PPA2: variants seen among roughly 807,000 people sequenced by gnomAD.
The protein encoded by PPA2 is inorganic pyrophosphatase 2.
PPA2 carries 48 observed loss-of-function variants against 49.5 expected under a neutral mutation model. The observed-to-expected ratio is 0.97, with a 90% CI of 0.77 to 1.23. PPA2 has a LOEUF of 1.23. Ranked by LOEUF, PPA2 falls within the 50% of genes most tolerant of loss-of-function variation. The pLI, the probability that PPA2 is intolerant of heterozygous loss-of-function variation, is 0.00. For synonymous variants in PPA2, 131 were observed against 139.9 expected, an observed-to-expected ratio of 0.94 and a Z score of 0.45; for missense variants, 429 against 410.1, an observed-to-expected ratio of 1.05 and a Z score of -0.40.
intron 2 of PPA2, among the ~76,000 whole-genome samples, chr4:105,455,346 A>T (rs1004779270): frequency 2.6e-5 from 4 of 152,224 alleles, no homozygotes; most frequent in Non-Finnish European, 5.9e-5. Context: ...GGACACACAC[A>T]GTAACATAGA....
chr4:105,461,023 C>T (rs948440001), intron 1 of PPA2, among the ~76,000 whole-genome samples: 1 of 151,990 alleles, frequency 6.6e-6, no homozygotes, highest in African/African-American at 2.4e-5. Flanking sequence ...AAAAATATAA[C>T]TACTTCTAGA....
chr4:105,384,338 A>C (rs1733603105), intron 10 of PPA2, among the ~76,000 whole-genome samples: 1 of 152,192 alleles, frequency 6.6e-6, no homozygotes, highest in African/African-American at 2.4e-5. Flanking sequence ...CAGGTAATTA[A>C]AGCTGTATGT....
intron 6 of PPA2, among the ~76,000 whole-genome samples, chr4:105,430,432 G>A (rs1424156722): frequency 6.6e-6 from 1 of 152,218 alleles, no homozygotes; most frequent in African/African-American, 2.4e-5. Flanking sequence ...ATTAGGCACT[G>A]TGTATTAAAG....
At chr4:105,442,152 G>A (rs1724401296) in intron 5 of PPA2, among the ~76,000 whole-genome samples, 1 of 152,124 alleles carries the variant, frequency 6.6e-6, no homozygotes, top group Non-Finnish European at 1.5e-5. Context: ...TTACAGGGAT[G>A]AGCCATCACC....
chr4:105,395,708 T>C (rs2110389908), intron 9 of PPA2, among the ~76,000 whole-genome samples: 1 of 152,246 alleles, frequency 6.6e-6, no homozygotes, highest in Admixed American at 6.5e-5. Context: ...ACAAGGAGCT[T>C]AAGGATTACA....
chr4:105,395,173 CA>C (rs1279875147), intron 9 of PPA2, among the ~76,000 whole-genome samples: 2 of 121,500 alleles, frequency 1.6e-5, no homozygotes, highest in Non-Finnish European at 3.8e-5. Flanking sequence ...GAAACAAAGT[CA>C]ATTATCTTCA....
chr4:105,372,863 C>T (rs1733081871), intron 10 of PPA2, among the ~76,000 whole-genome samples: 1 of 152,132 alleles, frequency 6.6e-6, no homozygotes, highest in African/African-American at 2.4e-5. Context: ...TAATAAATTC[C>T]CCCAAATCAT....
At chr4:105,375,708 G>A (rs910933572) in intron 10 of PPA2, among the ~76,000 whole-genome samples, 7 of 152,076 alleles carry the variant, frequency 4.6e-5, no homozygotes, top group African/African-American at 1.7e-4. Context: ...CCAGATGCCA[G>A]GGAATGCCTT....
chr4:105,445,935 A>T (rs1722361848), intron 5 of PPA2, among the ~76,000 whole-genome samples: 1 of 151,618 alleles, frequency 6.6e-6, no homozygotes. Flanking sequence ...AAGTTGTGCA[A>T]TTCAATTTAC....
At chr4:105,452,491 G>A (rs1722714201) in intron 3 of PPA2, among the ~76,000 whole-genome samples, 1 of 152,162 alleles carries the variant, frequency 6.6e-6, no homozygotes, top group South Asian at 2.1e-4. Flanking sequence ...AATAGGAGAT[G>A]GGGCACGGAA....
rs772444779 is a variant in PPA2, at chr4:105,474,059, T to C, written c.-9A>G. ...CGCAGCAGCGCGCTCATGGCGTCAATGACGGTCCTGCTGTGCGCGCGGAGC... is the reference window on the plus strand; with the variant it reads ...CGCAGCAGCGCGCTCATGGCGTCAACGACGGTCCTGCTGTGCGCGCGGAGC... On this transcript the variant is annotated 5_prime_UTR_variant, in exon 1 of 12. Coordinates refer to ENST00000341695, the MANE Select transcript of PPA2 (RefSeq NM_176869.3). 4.5e-6 allele frequency: 7 copies of C among 1,566,150 alleles called. No homozygotes were observed. Among genetic ancestry groups the C allele is most frequent in the Non-Finnish European group, 5.2e-6 (6 of 1,154,874 alleles).
chr4:105,370,629 C>T, intron 11 of PPA2: 1 of 974,946 alleles, frequency 1.0e-6, no homozygotes, highest in Non-Finnish European at 1.2e-6. Flanking sequence ...ATTTTCTAAC[C>T]TAGAAAAGTA....
chr4:105,428,390 AAGACAC>A (rs928326774), intron 6 of PPA2, among the ~76,000 whole-genome samples: 140 of 152,318 alleles, frequency 9.2e-4, no homozygotes, highest in African/African-American at 3.2e-3. Context: ...CCCCAATTAA[AAGACAC>A]AGAGTGGCAA....
intron 7 of PPA2, among the ~76,000 whole-genome samples, chr4:105,419,955 C>CTT (rs35268597): frequency 3.4e-5 from 5 of 147,914 alleles, no homozygotes; most frequent in Admixed American, 6.7e-5. Flanking sequence ...CTTTTTCTTT[C>CTT]TTTTTTTTTT....
intron 7 of PPA2, among the ~76,000 whole-genome samples, chr4:105,412,552 C>T (rs1722812570): frequency 6.6e-6 from 1 of 152,064 alleles, no homozygotes; most frequent in African/African-American, 2.4e-5. Context: ...AAGAGGCAAC[C>T]TAGAGAATGG....
rs142379230 is a variant in PPA2, at chr4:105,446,217, A to T, written c.441+166T>A. On this transcript the variant is annotated intron_variant, in intron 5 of 11. Transcript: ENST00000341695. ...TAGACATATATATGGTTTAAAACAA[A>T]ATTTATTGATATACTAAAACTCCAT... The T allele has an allele frequency of 1.9e-4, 123 of 636,680 alleles. 1 individual carries two copies. The highest frequency in any genetic ancestry group is 5.4e-4 in the Admixed American group (14 of 26,080). 39.4% of individuals were successfully genotyped at this position (636,680 alleles called of 1,614,324 possible).
rs561415261 is a variant in PPA2 at position 105,411,894 on chromosome 4, G to C, written c.655+12302C>G. Among the ~76,000 whole-genome samples, 6 of 152,210 alleles carry C rather than the reference G, an allele frequency of 3.9e-5. No homozygotes were observed. The East Asian group carries it at 1.2e-3, about 29-fold the overall frequency. ...AATCCAACTTACAAGGGATGTGAAG[G>C]ACCTCTTCAAGGAGAACTATAAACC... On this transcript the variant is annotated intron_variant, in intron 7 of 11. Coordinates refer to ENST00000341695, the MANE Select transcript of PPA2 (RefSeq NM_176869.3).
At chr4:105,381,050 C>T (rs889567567) in intron 10 of PPA2, among the ~76,000 whole-genome samples, 7 of 152,104 alleles carry the variant, frequency 4.6e-5, no homozygotes, top group Admixed American at 4.6e-4. Context: ...TGCCTAAAAA[C>T]TCTTGGTATT....
At chr4:105,393,495 AATAATAAT>A (rs1734008836) in intron 9 of PPA2, among the ~76,000 whole-genome samples, 1 of 40,618 alleles carries the variant, frequency 2.5e-5, no homozygotes, top group African/African-American at 6.5e-5. Flanking sequence ...AAATAATAAT[AATAATAAT>A]AATAATAATA....
Sources: allele counts gnomAD v4.1 joint callset (sites outside exome capture counted in the v4.1 genomes callset), GRCh38; gene constraint gnomAD v4.1.1; transcripts MANE v1.5; gene names NCBI Gene and HGNC (gene_info 2026-07-23, HGNC 2026-07-21).